Variants in BAZ1A observed in about 807,000 individuals in gnomAD.
BAZ1A encodes the protein bromodomain adjacent to zinc finger domain protein 1A.
In BAZ1A, 50 loss-of-function variants were observed where a neutral mutation model predicts 185.2. The observed-to-expected ratio is 0.27, with a 90% CI of 0.22 to 0.34. The LOEUF (loss-of-function observed/expected upper bound fraction) is 0.34, where lower values mean the gene tolerates loss of function less well. Among genes scored for constraint, BAZ1A ranks in the 10% least tolerant of loss-of-function variants. The probability of loss-of-function intolerance (pLI) is 1.00; values close to 1 mark genes in which losing one functional copy is unlikely to be tolerated. For missense variants in BAZ1A, 1,356 were observed against 1,839.9 expected (o/e 0.74, Z 4.81); for synonymous variants, 571 against 615.6 (o/e 0.93, Z 1.07).
chr14:34,865,257 T>A (rs1250750231), intron 2 of BAZ1A, among the ~76,000 whole-genome samples: 4 of 152,074 alleles, frequency 2.6e-5, no homozygotes, highest in African/African-American at 4.8e-5. Context: ...AAAAATTTTT[T>A]TATATATATG....
rs1431457867 is a variant in BAZ1A, at chr14:34,761,768, C to G, written c.4232G>C (p.Arg1411Thr). Residue 1411 changes from arginine to threonine, a missense_variant, in exon 24 of 27, where the codon AGA becomes ACA. By Grantham distance (71) the Arg-to-Thr change is moderately conservative. Coordinates refer to ENST00000360310, the MANE Select transcript of BAZ1A (RefSeq NM_013448.3). ...AGATTTCTTCATACCTGGAGATTGTCTTTTTCTGCATCTTCTTTTGGATTC... is the reference window on the plus strand; with the variant it reads ...AGATTTCTTCATACCTGGAGATTGTGTTTTTCTGCATCTTCTTTTGGATTC... ...ESESKRRCRK[R>T]QSPEPSPVTL... 6.2e-7 allele frequency: 1 copy of G among 1,611,012 alleles called. No homozygotes were observed. The highest frequency in any genetic ancestry group is 1.7e-5 in the Admixed American group (1 of 59,726).
At position 34,874,461 on chromosome 14, in the gene BAZ1A, C is replaced by G. The variant is rs757975804; in HGVS notation, c.113+31G>C. 2 of 1,586,992 alleles carry G rather than the reference C, an allele frequency of 1.3e-6. No individual in the cohort carries two copies. Among genetic ancestry groups the G allele is most frequent in the Non-Finnish European group, 1.7e-6 (2 of 1,156,922 alleles). On this transcript the variant is annotated intron_variant, in intron 2 of 26. Coordinates refer to ENST00000360310, the MANE Select transcript of BAZ1A (RefSeq NM_013448.3). This position sits in a 1 kb window ranked among gnomAD's most constrained non-coding sequence, Gnocchi z 4.7. Reference sequence around the variant, plus strand: ...CGCTGCGGGGGGAGTCCCCACACCCCCCGCGGCCCCGCACACGGCCCGGCT... The same window carrying G: ...CGCTGCGGGGGGAGTCCCCACACCCGCCGCGGCCCCGCACACGGCCCGGCT...
intron 2 of BAZ1A, among the ~76,000 whole-genome samples, chr14:34,869,994 G>T (rs2042925404): frequency 6.6e-6 from 1 of 152,176 alleles, no homozygotes; most frequent in Non-Finnish European, 1.5e-5. Context: ...ACCTGCCTCA[G>T]CCTAGCCTCC....
At chr14:34,775,186 C>T (rs8003689) in intron 18 of BAZ1A, among the ~76,000 whole-genome samples, 9,650 of 151,506 alleles carry the variant, frequency 0.064, 412 homozygotes, top group Non-Finnish European at 0.099. Context: ...GCAACAAAAG[C>T]GAAATTCTGT....
rs1419290489 is a variant in BAZ1A, at chr14:34,874,718, C to G, written c.-58-56G>C. ...TAAGGTGGGGAGCCCTCGGCGGCAG[C>G]GTGGGCCGGTCCGCGCGCTGGGAGA... On this transcript the variant is annotated intron_variant, in intron 1 of 26. Transcript: ENST00000360310. The surrounding 1 kb of genome is among the most constrained non-coding windows in gnomAD (Gnocchi z 4.7). 1.2e-6 allele frequency: 1 copy of G among 813,890 alleles called. No homozygotes were observed. The highest frequency in any genetic ancestry group is 1.8e-6 in the Non-Finnish European group (1 of 541,370). The allele number at this position is 813,890 out of a possible 1,614,324, so 50.4% of individuals were successfully genotyped here.
chr14:34,840,368 C>A (rs1309954492), intron 3 of BAZ1A, among the ~76,000 whole-genome samples: 4 of 151,994 alleles, frequency 2.6e-5, no homozygotes, highest in Non-Finnish European at 5.9e-5. Flanking sequence ...CTGAGTTAGT[C>A]AAATCAAAGT....
chr14:34,842,429 T>A (rs2042430884), intron 3 of BAZ1A, among the ~76,000 whole-genome samples: 1 of 152,162 alleles, frequency 6.6e-6, no homozygotes, highest in Non-Finnish European at 1.5e-5. Flanking sequence ...TACCCTTTGA[T>A]TAGTACAATG....
At chr14:34,850,127 C>G (rs1358928013) in intron 3 of BAZ1A, among the ~76,000 whole-genome samples, 2 of 152,122 alleles carry the variant, frequency 1.3e-5, no homozygotes, top group Non-Finnish European at 2.9e-5. Flanking sequence ...CGCCTGTAAT[C>G]CCAGCACTTT....
intron 4 of BAZ1A, among the ~76,000 whole-genome samples, chr14:34,819,528 C>T (rs543353153): frequency 6.6e-6 from 1 of 152,290 alleles, no homozygotes; most frequent in South Asian, 2.1e-4. Context: ...ACATTTATTT[C>T]AGTTAGTACA....
At chr14:34,784,367 CAAAAAAAAAAAAAAA>C (rs368815964) in intron 14 of BAZ1A, among the ~76,000 whole-genome samples, 7 of 77,176 alleles carry the variant, frequency 9.1e-5, no homozygotes, top group South Asian at 4.5e-4. Flanking sequence ...GACTCTGTCT[CAAAAAAAAAAAAAAA>C]AAAAAAAAAA....
At chr14:34,863,848 A>ATTT (rs2042810870) in intron 2 of BAZ1A, among the ~76,000 whole-genome samples, 4 of 36,286 alleles carry the variant, frequency 1.1e-4, no homozygotes, top group South Asian at 8.3e-4. Context: ...ATATTGTTTG[A>ATTT]ATTTTTTTTC....
At position 34,764,289 on chromosome 14, in the gene BAZ1A, C is replaced by CTT. The variant is rs34861206; in HGVS notation, c.3776+416_3776+417dup. Among the ~76,000 whole-genome samples, 1,008 of 111,816 alleles carry CTT rather than the reference C, an allele frequency of 9.0e-3. 30 individuals carry two copies. The highest frequency in any genetic ancestry group is 0.025 in the African/African-American group (704 of 28,684). 73.4% of individuals were successfully genotyped at this position (111,816 alleles called of 152,430 possible). ...TATACGTTAGTTTCTTTTTTCTTTTCTTTTTTTTTTTTTTTTTTTGAGATG... is the reference window on the plus strand; with the variant it reads ...TATACGTTAGTTTCTTTTTTCTTTTCTTTTTTTTTTTTTTTTTTTTTGAGATG... On this transcript the variant is annotated intron_variant, in intron 23 of 26. Coordinates refer to ENST00000360310, the MANE Select transcript of BAZ1A (RefSeq NM_013448.3).
intron 5 of BAZ1A, among the ~76,000 whole-genome samples, chr14:34,810,662 G>A (rs991763467): frequency 4.0e-5 from 6 of 151,418 alleles, no homozygotes; most frequent in Admixed American, 2.6e-4. Context: ...GTCTTGCCAC[G>A]TAGTCCAGGC....
intron 3 of BAZ1A, among the ~76,000 whole-genome samples, chr14:34,856,112 G>C (rs1352742044): frequency 6.6e-6 from 1 of 152,110 alleles, no homozygotes. Context: ...TAAACACTGA[G>C]ATATCATCCA....
At chr14:34,793,423 T>C (rs1215876672) in intron 11 of BAZ1A, among the ~76,000 whole-genome samples, 4 of 152,224 alleles carry the variant, frequency 2.6e-5, no homozygotes, top group African/African-American at 4.8e-5. Context: ...CCTTGATCTA[T>C]AAGACACAAT....
chr14:34,864,397 C>T (rs555246056), intron 2 of BAZ1A, among the ~76,000 whole-genome samples: 1 of 152,252 alleles, frequency 6.6e-6, no homozygotes, highest in African/African-American at 2.4e-5. Context: ...ACCACCTCAG[C>T]CTCCCATAGT....
At position 34,810,970 on chromosome 14, in the gene BAZ1A, T is replaced by C. The variant is rs143517640; in HGVS notation, c.603A>G (p.Leu201=). The C allele has an allele frequency of 5.7e-5, 91 of 1,610,312 alleles. No individual in the cohort carries two copies. In the African/African-American group the frequency reaches 1.1e-3, roughly 19 times the overall value. The change falls in exon 5 of 27, where the codon TTA becomes TTG. Residue 201 remains leucine (L), a synonymous_variant. Transcript: ENST00000360310. ...KYKVQPTKKE[L]HESAIVKATQ... ...TTGCTTTAACAATAGCAGACTCATG[T>C]AATTCTTTTTTAGTGGGTTGCACTT...
Position 34,792,799 on chromosome 14 carries a change from G to C in BAZ1A, c.1486C>G (p.Gln496Glu). ...CCTTTGGTGTCAGCATCAGTTAGTT[G>C]CTCTTTGGCTACTTCCTCTTCTTCT... ...AEEEEEVAKE[Q>E]LTDADTKDLT... Residue 496 changes from glutamine (Q) to glutamate (E), a missense_variant, in exon 12 of 27, where the codon CAA (glutamine) becomes GAA (glutamate). By Grantham distance (29) the Gln-to-Glu change is conservative. Coordinates refer to ENST00000360310, the MANE Select transcript of BAZ1A (RefSeq NM_013448.3). 6.2e-7 allele frequency: 1 copy of C among 1,613,826 alleles called. No individual in the cohort carries two copies. Among genetic ancestry groups the C allele is most frequent in the Non-Finnish European group, 8.5e-7 (1 of 1,179,960 alleles).
intron 21 of BAZ1A, among the ~76,000 whole-genome samples, chr14:34,769,305 C>T (rs1467906933): frequency 1.3e-5 from 2 of 152,152 alleles, no homozygotes; most frequent in Admixed American, 6.5e-5. Flanking sequence ...GGAGCAGCAA[C>T]AGTAGACACC....
Sources: allele counts gnomAD v4.1 joint callset (sites outside exome capture counted in the v4.1 genomes callset), GRCh38; gene constraint gnomAD v4.1.1; non-coding constraint Gnocchi (gnomAD v3.1); transcripts MANE v1.5; gene names NCBI Gene and HGNC (gene_info 2026-07-23, HGNC 2026-07-21).